Variants in CHODL observed in about 807,000 individuals in gnomAD.
CHODL encodes the protein chondrolectin.
Under a neutral mutation model 34.5 loss-of-function variants are expected in CHODL, and 29 were observed. The ratio of observed to expected loss-of-function variants is 0.84; its 90% CI spans 0.63 to 1.15. The LOEUF (loss-of-function observed/expected upper bound fraction) is 1.15, where lower values mean the gene tolerates loss of function less well. Ranked by LOEUF, CHODL falls within the 50% of genes most tolerant of loss-of-function variation. The pLI, the probability that CHODL is intolerant of heterozygous loss-of-function variation, is 0.00. For synonymous variants in CHODL, 125 were observed against 116.1 expected, an observed-to-expected ratio of 1.08 and a Z score of -0.49; for missense variants, 332 against 332.5, an observed-to-expected ratio of 1.00 and a Z score of 0.01.
rs1189110024 is a variant in CHODL at position 17,956,369 on chromosome 21, G to A, written c.-145+38969G>A. ...AAAGCCTCCTGAGGCCCCCCCAGAA[G>A]CAGATGCTAGCACTATGCTTCCTGC... On this transcript the variant is annotated intron_variant, in intron 1 of 6. Coordinates refer to the CHODL transcript ENST00000400127. 5.9e-5 allele frequency among the ~76,000 whole-genome samples: 8 copies of A among 136,218 alleles called. 3 individuals are homozygous for A. Among genetic ancestry groups the A allele is most frequent in the Admixed American group, 3.6e-4 (5 of 13,826 alleles). 89.4% of individuals were successfully genotyped at this position (136,218 alleles called of 152,430 possible).
rs150793881 is a variant in CHODL, at chr21:18,259,672, A to G, written c.548-528A>G. 3.8e-3 allele frequency among the ~76,000 whole-genome samples: 577 copies of G among 152,342 alleles called. 3 individuals carry two copies. The highest frequency in any genetic ancestry group is 6.2e-3 in the Non-Finnish European group (422 of 68,018). ...ATTGGAAAGCAAATCTAAGGATGGC[A>G]TTGTATATGCAGAACAGAAATGTGG... On this transcript the variant is annotated intron_variant, in intron 3 of 5. Transcript: ENST00000299295.
At chr21:18,103,895 G>A (rs1228546008) in intron 2 of CHODL, among the ~76,000 whole-genome samples, 1 of 152,080 alleles carries the variant, frequency 6.6e-6, no homozygotes, top group Non-Finnish European at 1.5e-5. Flanking sequence ...TATTCCAGAG[G>A]AAGGGGATTA....
chr21:17,964,458 C>T (rs1043400074), intron 1 of CHODL, among the ~76,000 whole-genome samples: 1 of 152,214 alleles, frequency 6.6e-6, no homozygotes, highest in Non-Finnish European at 1.5e-5. Context: ...TTTAATTTGG[C>T]AGAGGCTTCA....
At chr21:18,243,958 A>G (rs1274864612), upstream of CHODL, among the ~76,000 whole-genome samples, 1 of 152,318 alleles carries the variant, frequency 6.6e-6, no homozygotes, top group East Asian at 1.9e-4. Flanking sequence ...ACTGAAGCTC[A>G]TTATGAGAAC....
At chr21:18,077,704 T>G (rs141999738) in intron 2 of CHODL, among the ~76,000 whole-genome samples, 1 of 152,098 alleles carries the variant, frequency 6.6e-6, no homozygotes, top group Non-Finnish European at 1.5e-5. Flanking sequence ...GAGTGCTGTT[T>G]AGGACGCAAA....
chr21:18,001,773 C>CTT (rs59908803), intron 1 of CHODL, among the ~76,000 whole-genome samples: 12 of 124,174 alleles, frequency 9.7e-5, no homozygotes, highest in Non-Finnish European at 1.9e-4. Flanking sequence ...GCCTCATCCT[C>CTT]TTTTTTTTTT....
intron 1 of CHODL, among the ~76,000 whole-genome samples, chr21:17,950,497 AAC>A (rs200120318): frequency 0.049 from 6,326 of 130,240 alleles, 154 homozygotes; most frequent in African/African-American, 0.071. Context: ...CTAGATACAC[AAC>A]ACACACACAC....
chr21:18,012,502 A>G (rs1056697550), intron 1 of CHODL, among the ~76,000 whole-genome samples: 2 of 152,340 alleles, frequency 1.3e-5, no homozygotes, highest in South Asian at 4.1e-4. Flanking sequence ...ATGTATATAG[A>G]AGTATAAAAT....
At chr21:17,917,793 T>C (rs904482746) in intron 1 of CHODL, among the ~76,000 whole-genome samples, 2 of 152,068 alleles carry the variant, frequency 1.3e-5, no homozygotes, top group African/African-American at 2.4e-5. Flanking sequence ...AGGAGGTAAA[T>C]GAATGATATT....
chr21:17,977,652 G>T (rs2063674843), intron 1 of CHODL, among the ~76,000 whole-genome samples: 1 of 147,258 alleles, frequency 6.8e-6, no homozygotes, highest in African/African-American at 2.5e-5. Flanking sequence ...GAATCACCGT[G>T]CCAGGCCAGA....
chr21:18,054,241 C>T (rs2064552071), intron 2 of CHODL, among the ~76,000 whole-genome samples: 1 of 151,900 alleles, frequency 6.6e-6, no homozygotes, highest in Non-Finnish European at 1.5e-5. Context: ...AGGCAGAAAA[C>T]TTAACTAACT....
intron 1 of CHODL, among the ~76,000 whole-genome samples, chr21:17,932,720 G>A (rs2063284318): frequency 6.6e-6 from 1 of 152,206 alleles, no homozygotes; most frequent in African/African-American, 2.4e-5. Context: ...ATCAAATACT[G>A]AAGGGGTGCG....
chr21:17,961,210 T>C (rs891442166), intron 1 of CHODL, among the ~76,000 whole-genome samples: 1 of 152,192 alleles, frequency 6.6e-6, no homozygotes, highest in Non-Finnish European at 1.5e-5. Context: ...TTCAGTGTTA[T>C]TGTAGCATGT....
intron 2 of CHODL, among the ~76,000 whole-genome samples, chr21:18,174,153 A>ATCTTGGTATATATATATATATATCTTGG (rs1270870597): frequency 8.6e-6 from 1 of 116,220 alleles, no homozygotes; most frequent in Non-Finnish European, 1.9e-5. Context: ...ATATATATAT[A>ATCTTGGTATATATATATATATATCTTGG]TATATATAAA....
At chr21:18,028,245 C>CCTTCTCCTTCT (rs1568850918) in intron 2 of CHODL, among the ~76,000 whole-genome samples, 2 of 114,328 alleles carry the variant, frequency 1.7e-5, no homozygotes, top group African/African-American at 7.3e-5. Context: ...CTTCCCCTTC[C>CCTTCTCCTTCT]CCTTTTCCTT....
At chr21:18,030,078 C>T (rs534238427) in intron 2 of CHODL, among the ~76,000 whole-genome samples, 2 of 152,210 alleles carry the variant, frequency 1.3e-5, no homozygotes, top group Admixed American at 6.5e-5. Flanking sequence ...CTTGTGCCCT[C>T]GAGTAATCTT....
intron 2 of CHODL, among the ~76,000 whole-genome samples, chr21:18,068,203 CTT>C (rs368623777): frequency 6.8e-6 from 1 of 146,876 alleles, no homozygotes; most frequent in Admixed American, 6.8e-5. Context: ...TTCTTTTTTT[CTT>C]TTTTTTTTGA....
intron 3 of CHODL, among the ~76,000 whole-genome samples, chr21:18,257,968 A>T (rs1422979072): frequency 6.6e-6 from 1 of 152,002 alleles, no homozygotes; most frequent in African/African-American, 2.4e-5. Context: ...TCTCCTCCTC[A>T]GTGTTTGGAA....
At chr21:18,077,236 C>G (rs575592156) in intron 2 of CHODL, among the ~76,000 whole-genome samples, 57 of 152,266 alleles carry the variant, frequency 3.7e-4, no homozygotes, top group South Asian at 2.1e-3. Context: ...GCCTGTCACA[C>G]CATTGTTTCT....
Sources: gnomAD v4.1 joint callset for allele counts (sites outside exome capture counted in the v4.1 genomes callset) on GRCh38, gnomAD v4.1.1 for gene constraint, MANE v1.5 for transcripts, NCBI Gene and HGNC (gene_info 2026-07-23, HGNC 2026-07-21) for gene names.